The following TST variants were observed in gnomAD, a reference collection of about 807,000 sequenced individuals.
TST encodes the protein thiosulfate sulfurtransferase.
Under a neutral mutation model 20.4 loss-of-function variants are expected in TST, and 22 were observed. The observed-to-expected ratio is 1.08, with a 90% confidence interval of 0.77 to 1.54. The LOEUF (loss-of-function observed/expected upper bound fraction) is 1.54, where lower values mean the gene tolerates loss of function less well. Ranked by LOEUF, TST falls within the 40% of genes most tolerant of loss-of-function variation. The pLI, the probability that TST is intolerant of heterozygous loss-of-function variation, is 0.00. For missense variants in TST, 392 were observed against 405.2 expected (o/e 0.97, Z 0.28); for synonymous variants, 187 against 173.8 (o/e 1.08, Z -0.60).
Position 37,018,547 on chromosome 22 carries a change from T to G in TST, c.186A>C (p.Glu62Asp), listed in dbSNP as rs768916105. 28 of 1,576,326 alleles carry G rather than the reference T, an allele frequency of 1.8e-5. No homozygotes were observed. Among genetic ancestry groups the G allele is most frequent in the Non-Finnish European group, 2.3e-5 (27 of 1,161,084 alleles). Residue 62 changes from glutamate (E) to aspartate (D), a missense_variant, in exon 2 of 3, where the codon GAA (glutamate) becomes GAC (aspartate). Transcript: ENST00000249042. The part of the protein sequence containing the change: ...HVPGASFFDI[E>D]ECRDTASPYE... ...AGGGCGACGCCGTGTCCCGGCACTC[T>G]TCTATGTCAAAGAAAGAGGCGCCGG...
In TST at chr22:37,011,301, C is replaced by A. The variant is rs545852009; in HGVS notation, c.620G>T (p.Gly207Val). ...AVGLDSGHIRGAVNMPFMDFL... is the reference protein window; with the variant it reads ...AVGLDSGHIRVAVNMPFMDFL... ...GTCCATGAAAGGCATGTTGACGGCACCACGGATATGGCCCGAGTCCAGTCC... is the reference window on the plus strand; with the variant it reads ...GTCCATGAAAGGCATGTTGACGGCAACACGGATATGGCCCGAGTCCAGTCC... Residue 207 changes from glycine to valine, a missense_variant, in exon 3 of 3, where the codon GGT (glycine) becomes GTT (valine). Coordinates refer to ENST00000249042, the MANE Select transcript of TST (RefSeq NM_003312.6). 3 of 1,613,314 alleles carry A rather than the reference C, an allele frequency of 1.9e-6. No homozygotes were observed. The highest frequency in any genetic ancestry group is 2.5e-6 in the Non-Finnish European group (3 of 1,179,624).
chr22:37,016,612 A>G (rs576971079), intron 2 of TST, among the ~76,000 whole-genome samples: 68 of 152,178 alleles, frequency 4.5e-4, no homozygotes, highest in African/African-American at 1.6e-3. Flanking sequence ...CAGGCTGGGA[A>G]GCAGCAAGAG....
upstream of TST, chr22:37,019,956 G>C: frequency 1.3e-5 from 9 of 669,688 alleles, no homozygotes; most frequent in Non-Finnish European, 1.9e-5. Flanking sequence ...GCTCCCGCGC[G>C]GGACCTGGGC....
At chr22:37,014,388 C>G (rs130606) in intron 2 of TST, among the ~76,000 whole-genome samples, 1 of 151,840 alleles carries the variant, frequency 6.6e-6, no homozygotes, top group East Asian at 1.9e-4. Flanking sequence ...AACAAACAAA[C>G]AAAAAGAACA....
At position 37,018,339 on chromosome 22, in the gene TST, G is replaced by A. The variant is rs764174018; in HGVS notation, c.394C>T (p.Arg132Trp). 3.1e-6 allele frequency: 5 copies of A among 1,613,840 alleles called. No homozygotes were observed. Among genetic ancestry groups the A allele is most frequent in the South Asian group, 2.2e-5 (2 of 91,090 alleles). ...GGGTGGCCCTCCTTCAGCCAGTTCCGGAAGCCACCATTGAGCACTGATACG... is the reference window on the plus strand; with the variant it reads ...GGGTGGCCCTCCTTCAGCCAGTTCCAGAAGCCACCATTGAGCACTGATACG... ...RTVSVLNGGF[R>W]NWLKEGHPVT... Residue 132 changes from arginine (R) to tryptophan (W), a missense_variant, in exon 2 of 3, where the codon CGG becomes TGG. Coordinates refer to ENST00000249042, the MANE Select transcript of TST (RefSeq NM_003312.6).
At chr22:37,016,959 C>T (rs1197282336) in intron 2 of TST, among the ~76,000 whole-genome samples, 6 of 152,222 alleles carry the variant, frequency 3.9e-5, no homozygotes, top group Non-Finnish European at 8.8e-5. Flanking sequence ...GTGTGCAGAA[C>T]AGTTTTCCCA....
At chr22:37,016,091 G>A (rs996558408) in intron 2 of TST, among the ~76,000 whole-genome samples, 10 of 151,568 alleles carry the variant, frequency 6.6e-5, no homozygotes, top group African/African-American at 9.7e-5. Context: ...TTACAGGCAC[G>A]TACCACCAAC....
chr22:37,016,722 G>T (rs931886963), intron 2 of TST, among the ~76,000 whole-genome samples: 8 of 152,172 alleles, frequency 5.3e-5, no homozygotes, highest in African/African-American at 1.9e-4. Flanking sequence ...TCCCAGCCAG[G>T]ATTCTCTGGG....
chr22:37,017,333 G>A (rs766761163), intron 2 of TST, among the ~76,000 whole-genome samples: 11 of 152,132 alleles, frequency 7.2e-5, no homozygotes, highest in Non-Finnish European at 1.3e-4. Flanking sequence ...CTTCTGAGTC[G>A]CCTTCCTGGG....
upstream of TST, chr22:37,020,045 G>T: frequency 2.5e-6 from 1 of 401,490 alleles, no homozygotes; most frequent in Non-Finnish European, 4.3e-6. Flanking sequence ...GGGGCGGCCT[G>T]CCGGGTGGGG....
At chr22:37,013,129 G>A (rs1922542972) in intron 2 of TST, 1 of 152,154 alleles carries the variant, frequency 6.6e-6, no homozygotes, top group Non-Finnish European at 1.5e-5. Context: ...AGTGACCCTG[G>A]CAGGCACACG....
Position 37,010,919 on chromosome 22 carries a change from A to G in TST, c.*108T>C. Reference sequence around the variant, plus strand: ...GACAGAGAGAGGGTGAGCCTTGCACAGCAATTCTAAAAACATGTCATCTCC... The same window carrying G: ...GACAGAGAGAGGGTGAGCCTTGCACGGCAATTCTAAAAACATGTCATCTCC... On this transcript the variant is annotated 3_prime_UTR_variant, in exon 3 of 3. Transcript: ENST00000249042. The G allele has an allele frequency of 2.1e-6, 3 of 1,456,644 alleles. No homozygotes were observed. Among genetic ancestry groups the G allele is most frequent in the Non-Finnish European group, 1.9e-6 (2 of 1,077,404 alleles). 90.2% of individuals were successfully genotyped at this position (1,456,644 alleles called of 1,614,324 possible).
At chr22:37,019,826 C>T, upstream of TST, 2 of 1,199,104 alleles carry the variant, frequency 1.7e-6, no homozygotes, top group Non-Finnish European at 2.1e-6. Flanking sequence ...GGGCGCCGCG[C>T]CGCGGGGGCC....
chr22:37,012,265 G>C (rs781637900), intron 2 of TST, among the ~76,000 whole-genome samples: 1 of 152,240 alleles, frequency 6.6e-6, no homozygotes, highest in Non-Finnish European at 1.5e-5. Flanking sequence ...TTGGATGGAA[G>C]CAGAGTGGAG....
In TST at chr22:37,017,760, C is replaced by T. The variant is rs562196154; in HGVS notation, c.595+378G>A. 2.6e-5 allele frequency among the ~76,000 whole-genome samples: 4 copies of T among 152,226 alleles called. No homozygotes were observed. The South Asian group carries it at 8.3e-4, about 32-fold the overall frequency. On this transcript the variant is annotated intron_variant, in intron 2 of 2. Coordinates refer to ENST00000249042, the MANE Select transcript of TST (RefSeq NM_003312.6). ...AGAGGCCTGGAGAAGCTGGATGTGT[C>T]CGTGGGAGGTTTCTGTACAGCAATG...
intron 2 of TST, among the ~76,000 whole-genome samples, chr22:37,015,632 C>T (rs1318862008): frequency 6.6e-6 from 1 of 152,238 alleles, no homozygotes; most frequent in Non-Finnish European, 1.5e-5. Context: ...CTCTGCTTCT[C>T]GCTCCATTTA....
At chr22:37,012,764 G>A (rs1922524119) in intron 2 of TST, among the ~76,000 whole-genome samples, 1 of 152,244 alleles carries the variant, frequency 6.6e-6, no homozygotes, top group Admixed American at 6.5e-5. Context: ...ACCCCACCTA[G>A]GCCGGATGCA....
chr22:37,018,266 G>A lies in TST; in HGVS notation c.467C>T (p.Thr156Ile). 6.2e-7 allele frequency: 1 copy of A among 1,614,106 alleles called. No individual in the cohort carries two copies. The highest frequency in any genetic ancestry group is 2.2e-5 in the East Asian group (1 of 44,888). ...SRPEPAVFKA[T>I]LDRSLLKTYE... ...GGTCTTGAGCAGGGAGCGGTCCAGT[G>A]TGGCTTTGAAGACGGCCGGTTCTGG... is the stretch of plus-strand genomic sequence containing the variant. The change falls in exon 2 of 3, where the codon ACA (threonine) becomes ATA (isoleucine). Residue 156 changes from threonine (T) to isoleucine (I), a missense_variant. Transcript: ENST00000249042.
At chr22:37,017,824 C>G (rs1192243844) in intron 2 of TST, among the ~76,000 whole-genome samples, 1 of 152,140 alleles carries the variant, frequency 6.6e-6, no homozygotes, top group African/African-American at 2.4e-5. Flanking sequence ...TTAGGTATAT[C>G]CTAGTACATG....
Sources: allele counts gnomAD v4.1 joint callset (sites outside exome capture counted in the v4.1 genomes callset), GRCh38; gene constraint gnomAD v4.1.1; transcripts MANE v1.5; gene names NCBI Gene and HGNC (gene_info 2026-07-23, HGNC 2026-07-21).